SPATS2: variants seen among roughly 807,000 people sequenced by gnomAD.
SPATS2 encodes the protein spermatogenesis associated serine rich 2.
In SPATS2, 38 loss-of-function variants were observed where a neutral mutation model predicts 63.7. The ratio of observed to expected loss-of-function variants is 0.60; its 90% CI spans 0.46 to 0.78. SPATS2 has a LOEUF of 0.78. Ranked by LOEUF, SPATS2 falls within the 30% of genes least tolerant of loss-of-function variation. SPATS2 has a pLI of 0.00. For missense variants in SPATS2, 588 were observed against 666.2 expected, an observed-to-expected ratio of 0.88 and a Z score of 1.29; for synonymous variants, 207 against 232.9, an observed-to-expected ratio of 0.89 and a Z score of 1.01.
chr12:49,473,954 G>A (rs926655188), intron 3 of SPATS2, among the ~76,000 whole-genome samples: 10 of 152,184 alleles, frequency 6.6e-5, no homozygotes, highest in African/African-American at 2.2e-4. Flanking sequence ...TCCAGAGAGC[G>A]ATTACCTTTG....
chr12:49,421,879 T>C (rs1395781055), intron 2 of SPATS2, among the ~76,000 whole-genome samples: 1 of 152,216 alleles, frequency 6.6e-6, no homozygotes, highest in Non-Finnish European at 1.5e-5. Context: ...ATCCAGTGCC[T>C]AATATTTTGT....
chr12:49,489,051 C>T (rs999116327), intron 4 of SPATS2, among the ~76,000 whole-genome samples: 131 of 152,220 alleles, frequency 8.6e-4, no homozygotes, highest in African/African-American at 3.1e-3. Flanking sequence ...TTAAATGATA[C>T]AAGGTAAAAT....
chr12:49,461,977 T>A (rs866936399), intron 3 of SPATS2, among the ~76,000 whole-genome samples: 1 of 152,192 alleles, frequency 6.6e-6, no homozygotes, highest in African/African-American at 2.4e-5. Flanking sequence ...TTAGTTGTTA[T>A]AATTCAGTTT....
At position 49,436,877 on chromosome 12, in the gene SPATS2, C is replaced by T. The variant is rs1293063595; in HGVS notation, c.-243-23893C>T. 3.5e-5 allele frequency among the ~76,000 whole-genome samples: 5 copies of T among 144,170 alleles called. No homozygotes were observed. The East Asian group carries it at 8.8e-4, about 25-fold the overall frequency. The allele number at this position is 144,170 out of a possible 152,430, so 94.6% of individuals were successfully genotyped here. A position where few individuals can be genotyped will look rare whatever the true frequency, so the allele number is the denominator to read the frequency against. On this transcript the variant is annotated intron_variant, in intron 2 of 13. Coordinates refer to ENST00000552918, the MANE Select transcript of SPATS2 (RefSeq NM_023071.4). ...GGCGGGGGGCTGACCCCCCCACCTC[C>T]CTCCCGGACGGGGCGGCTGGCCGGG...
chr12:49,412,996 G>A (rs1261023435), intron 2 of SPATS2, among the ~76,000 whole-genome samples: 1 of 151,516 alleles, frequency 6.6e-6, no homozygotes, highest in Non-Finnish European at 1.5e-5. Context: ...TAATTGATTG[G>A]TAATATAGAA....
chr12:49,401,919 A>C (rs1944611799), intron 2 of SPATS2, among the ~76,000 whole-genome samples: 1 of 151,930 alleles, frequency 6.6e-6, no homozygotes, highest in African/African-American at 2.4e-5. Context: ...GCTGGTCTTG[A>C]ACTCCTGACC....
chr12:49,517,396 A>G (rs1946868466), intron 10 of SPATS2, among the ~76,000 whole-genome samples: 1 of 152,220 alleles, frequency 6.6e-6, no homozygotes, highest in South Asian at 2.1e-4. Context: ...TACCTGGTGT[A>G]ACTCTTTAAA....
At chr12:49,412,714 C>T (rs1220879331) in intron 2 of SPATS2, among the ~76,000 whole-genome samples, 2 of 150,198 alleles carry the variant, frequency 1.3e-5, no homozygotes, top group African/African-American at 2.5e-5. Context: ...ACACACTGTA[C>T]TACTACAGCC....
At chr12:49,406,722 C>T (rs1425314415) in intron 2 of SPATS2, among the ~76,000 whole-genome samples, 1 of 151,740 alleles carries the variant, frequency 6.6e-6, no homozygotes, top group African/African-American at 2.4e-5. Context: ...AACTATAACC[C>T]TATTAAAATT....
chr12:49,421,521 A>G (rs925771238), intron 2 of SPATS2, among the ~76,000 whole-genome samples: 4 of 151,748 alleles, frequency 2.6e-5, no homozygotes, highest in African/African-American at 9.7e-5. Flanking sequence ...TACAAATCCC[A>G]CAGAATCAGA....
intron 12 of SPATS2, 100 bp downstream of exon 12, chr12:49,522,953 G>T: frequency 1.0e-6 from 1 of 965,998 alleles, no homozygotes. Flanking sequence ...AGTGCCTCTT[G>T]TTTGCTTGTT....
rs184481576 is a variant in SPATS2 at position 49,439,538 on chromosome 12, C to T, written c.-243-21232C>T. Among the ~76,000 whole-genome samples, 280 of 152,200 alleles carry T rather than the reference C, an allele frequency of 1.8e-3. 2 individuals carry two copies. Among genetic ancestry groups the T allele is most frequent in the African/African-American group, 6.4e-3 (264 of 41,542 alleles). On this transcript the variant is annotated intron_variant, in intron 2 of 13. Coordinates refer to ENST00000552918, the MANE Select transcript of SPATS2 (RefSeq NM_023071.4). ...TGGAGAATAGTTAGAACTTGCTGATCGTTTGGTTGTGGTATCTGAGGAAAA... is the reference window on the plus strand; with the variant it reads ...TGGAGAATAGTTAGAACTTGCTGATTGTTTGGTTGTGGTATCTGAGGAAAA...
At chr12:49,509,273 C>CTTTTTTTTTTTT (rs1186617900) in intron 9 of SPATS2, among the ~76,000 whole-genome samples, 2 of 77,804 alleles carry the variant, frequency 2.6e-5, no homozygotes, top group Non-Finnish European at 2.3e-5. Flanking sequence ...GTTCTAACTT[C>CTTTTTTTTTTTT]TTTTTTTTTT....
intron 2 of SPATS2, among the ~76,000 whole-genome samples, chr12:49,372,161 T>C (rs1386663199): frequency 6.6e-6 from 1 of 152,262 alleles, no homozygotes; most frequent in Non-Finnish European, 1.5e-5. Flanking sequence ...TTTTCCTGCC[T>C]CAGCCTCCAA....
intron 2 of SPATS2, among the ~76,000 whole-genome samples, chr12:49,395,333 C>G (rs1018551259): frequency 6.6e-6 from 1 of 151,688 alleles, no homozygotes; most frequent in African/African-American, 2.4e-5. Context: ...ATTGCACTGG[C>G]TGGGACCTCC....
At chr12:49,447,486 C>T (rs1658122984) in intron 2 of SPATS2, among the ~76,000 whole-genome samples, 1 of 152,196 alleles carries the variant, frequency 6.6e-6, no homozygotes, top group Non-Finnish European at 1.5e-5. Flanking sequence ...ATCCCCCCAC[C>T]TCGGCCTCCC....
At chr12:49,418,637 C>T (rs1326728187) in intron 2 of SPATS2, among the ~76,000 whole-genome samples, 3 of 151,998 alleles carry the variant, frequency 2.0e-5, no homozygotes, top group African/African-American at 7.2e-5. Flanking sequence ...AGACAGGTCT[C>T]ACTATGTTGC....
At chr12:49,386,797 G>A (rs1325180013) in intron 2 of SPATS2, among the ~76,000 whole-genome samples, 2 of 152,194 alleles carry the variant, frequency 1.3e-5, no homozygotes, top group African/African-American at 4.8e-5. Flanking sequence ...CATGAAGATA[G>A]TGGGTTATTG....
chr12:49,499,524 C>G (rs1267731777), intron 8 of SPATS2, among the ~76,000 whole-genome samples: 2 of 151,824 alleles, frequency 1.3e-5, no homozygotes, highest in African/African-American at 4.8e-5. Flanking sequence ...TACTCATGCA[C>G]TGGTCCACAC....
Sources: allele counts gnomAD v4.1 joint callset (sites outside exome capture counted in the v4.1 genomes callset), GRCh38; gene constraint gnomAD v4.1.1; transcripts MANE v1.5; gene names NCBI Gene and HGNC (gene_info 2026-07-23, HGNC 2026-07-21).